The following PRKCQ variants were observed in gnomAD, a reference collection of about 807,000 sequenced individuals.
PRKCQ encodes protein kinase C theta type.
PRKCQ carries 41 observed loss-of-function variants against 91.2 expected under a neutral mutation model. That is an observed-to-expected ratio of 0.45 (90% CI 0.35 to 0.58). PRKCQ has a LOEUF of 0.58. PRKCQ is among the 20% of genes least tolerant of loss of function. The pLI, the probability that PRKCQ is intolerant of heterozygous loss-of-function variation, is 0.00. For missense variants in PRKCQ, 673 were observed against 896.5 expected (o/e 0.75, Z 3.18); for synonymous variants, 307 against 316.9 (o/e 0.97, Z 0.33).
chr10:6,577,268 T>C (rs761406574), intron 1 of PRKCQ, among the ~76,000 whole-genome samples: 7 of 152,202 alleles, frequency 4.6e-5, no homozygotes, highest in Non-Finnish European at 7.3e-5. Context: ...ATTTGACATG[T>C]ATAAATGCTT....
intron 7 of PRKCQ, among the ~76,000 whole-genome samples, chr10:6,496,757 C>A (rs961849974): frequency 6.6e-6 from 1 of 152,000 alleles, no homozygotes; most frequent in South Asian, 2.1e-4. Context: ...TCACTGCAAC[C>A]TCCGCCTCCC....
At chr10:6,509,805 T>A (rs552489152) in intron 3 of PRKCQ, among the ~76,000 whole-genome samples, 2 of 152,236 alleles carry the variant, frequency 1.3e-5, no homozygotes, top group South Asian at 4.2e-4. Context: ...GAGCACCTTT[T>A]AAAAAAAATC....
At position 6,478,989 on chromosome 10, in the gene PRKCQ, T is replaced by C; in HGVS notation, c.1353+3A>G. 1 of 1,613,938 alleles carries C rather than the reference T, an allele frequency of 6.2e-7. No individual in the cohort carries two copies. The highest frequency in any genetic ancestry group is 8.5e-7 in the Non-Finnish European group (1 of 1,179,888). On this transcript the variant is annotated splice_donor_region_variant and intron_variant, in intron 12 of 17. Transcript: ENST00000263125. ...GGTAGGGTTGTCGGAGCAGAAGCCA[T>C]ACCTTGGTCTGGAATGTACAAAACA...
rs142869016 is a variant in PRKCQ at position 6,489,076 on chromosome 10, C to T, written c.790+2607G>A. ...GGGATTACAGGTCTGTTACCGTGCCCGGCCTAAAATCTTTACTATAGAAAG... is the reference window on the plus strand; with the variant it reads ...GGGATTACAGGTCTGTTACCGTGCCTGGCCTAAAATCTTTACTATAGAAAG... On this transcript the variant is annotated intron_variant, in intron 8 of 17. Coordinates refer to ENST00000263125, the MANE Select transcript of PRKCQ (RefSeq NM_006257.5). Among the ~76,000 whole-genome samples, 360 of 152,242 alleles carry T rather than the reference C, an allele frequency of 2.4e-3. 2 individuals carry two copies. The highest frequency in any genetic ancestry group is 8.2e-3 in the African/African-American group (342 of 41,536).
intron 1 of PRKCQ, among the ~76,000 whole-genome samples, chr10:6,528,675 G>A (rs953319860): frequency 2.6e-5 from 4 of 152,224 alleles, no homozygotes; most frequent in Admixed American, 6.5e-5. Flanking sequence ...CTCACAGTGA[G>A]TAAGCAACAG....
chr10:6,514,965 C>G, intron 2 of PRKCQ, 53 bp downstream of exon 2: 2 of 1,610,744 alleles, frequency 1.2e-6, no homozygotes, highest in Non-Finnish European at 1.7e-6. Flanking sequence ...ATACACAGTT[C>G]ATAGCAGGAT....
intron 2 of PRKCQ, among the ~76,000 whole-genome samples, chr10:6,513,702 AT>A (rs1271224285): frequency 6.6e-6 from 1 of 152,196 alleles, no homozygotes; most frequent in Non-Finnish European, 1.5e-5. Context: ...TCTGGCTTTG[AT>A]GTGTTCAGAG....
chr10:6,419,217 A>G, the PRKCQ span, among the ~76,000 whole-genome samples: 1 of 145,112 alleles, frequency 6.9e-6, no homozygotes, highest in African/African-American at 2.7e-5. Flanking sequence ...CTATATCTTT[A>G]TATTTATCAT....
At chr10:6,485,801 C>T (rs1836876633) in intron 9 of PRKCQ, among the ~76,000 whole-genome samples, 2 of 152,226 alleles carry the variant, frequency 1.3e-5, no homozygotes, top group Non-Finnish European at 2.9e-5. Flanking sequence ...TTCTGCAATG[C>T]TCATGCCATG....
At chr10:6,499,775 C>T (rs1000835416) in intron 4 of PRKCQ, among the ~76,000 whole-genome samples, 4 of 152,168 alleles carry the variant, frequency 2.6e-5, no homozygotes, top group Non-Finnish European at 4.4e-5. Flanking sequence ...GTGGCAGTAG[C>T]CTGACAATGC....
At position 6,456,714 on chromosome 10, in the gene PRKCQ, G is replaced by A. The variant is rs756942026; in HGVS notation, c.1607C>T (p.Thr536Met). The change falls in exon 15 of 18, where the codon ACG becomes ATG. Residue 536 changes from threonine to methionine, a missense_variant. Transcript: ENST00000263125. ...GTCAGGTGTCCCACAGAAGGTATTC[G>A]TCTTGGCATCTCCTAACATGTTCTC... ...CKENMLGDAK[T>M]NTFCGTPDYI... 6.8e-6 allele frequency: 11 copies of A among 1,614,130 alleles called. No individual in the cohort carries two copies. Among genetic ancestry groups the A allele is most frequent in the African/African-American group, 4.0e-5 (3 of 75,030 alleles).
Position 6,468,616 on chromosome 10 carries a change from G to T in PRKCQ, c.1354-4212C>A, listed in dbSNP as rs189869002. Among the ~76,000 whole-genome samples the T allele has an allele frequency of 9.9e-5, 15 of 152,252 alleles. No homozygotes were observed. The East Asian group carries it at 2.9e-3, about 29-fold the overall frequency. ...AAACAAGATGGGAAAAGAAGGAAAA[G>T]AATAATTATAGTCATTTTTTTCGAG... On this transcript the variant is annotated intron_variant, in intron 12 of 17. Coordinates refer to ENST00000263125, the MANE Select transcript of PRKCQ (RefSeq NM_006257.5).
intron 12 of PRKCQ, among the ~76,000 whole-genome samples, chr10:6,477,800 G>A (rs555639172): frequency 1.1e-4 from 17 of 152,264 alleles, no homozygotes; most frequent in African/African-American, 2.6e-4. Context: ...CCCGGGAGGC[G>A]GAGGTTGCAG....
intron 16 of PRKCQ, among the ~76,000 whole-genome samples, chr10:6,434,924 C>CT (rs920279286): frequency 7.9e-5 from 12 of 151,438 alleles, no homozygotes; most frequent in South Asian, 2.1e-4. Flanking sequence ...TGTTTTTTTT[C>CT]TTTTTTTTGA....
intron 1 of PRKCQ, among the ~76,000 whole-genome samples, chr10:6,555,292 C>T (rs546872213): frequency 5.9e-5 from 9 of 152,132 alleles, no homozygotes; most frequent in Non-Finnish European, 8.8e-5. Context: ...TATAGTGACA[C>T]ATGTAAACCT....
At chr10:6,553,749 T>C (rs1328645979) in intron 1 of PRKCQ, among the ~76,000 whole-genome samples, 5 of 152,174 alleles carry the variant, frequency 3.3e-5, no homozygotes, top group Non-Finnish European at 7.4e-5. Context: ...GGTATGCACA[T>C]ATCTTCAACT....
At chr10:6,455,308 T>C (rs1461313306) in intron 15 of PRKCQ, among the ~76,000 whole-genome samples, 1 of 152,220 alleles carries the variant, frequency 6.6e-6, no homozygotes, top group African/African-American at 2.4e-5. Flanking sequence ...AAACATAGAT[T>C]TCTACGATCA....
chr10:6,456,352 C>A (rs1188183053), intron 15 of PRKCQ, among the ~76,000 whole-genome samples: 1 of 152,148 alleles, frequency 6.6e-6, no homozygotes, highest in Non-Finnish European at 1.5e-5. Context: ...CACCACTTGA[C>A]TTGGGTGGAC....
downstream of PRKCQ, among the ~76,000 whole-genome samples, chr10:6,423,662 G>A (rs561874622): frequency 1.3e-5 from 2 of 152,254 alleles, no homozygotes; most frequent in Non-Finnish European, 2.9e-5. Flanking sequence ...CCCACACTGC[G>A]GTGGCAGGAC....
Sources: allele counts gnomAD v4.1 joint callset (sites outside exome capture counted in the v4.1 genomes callset), GRCh38; gene constraint gnomAD v4.1.1; transcripts MANE v1.5; gene names NCBI Gene and HGNC (gene_info 2026-07-23, HGNC 2026-07-21).